CCAR2: variants seen among roughly 807,000 people sequenced by gnomAD.
CCAR2 encodes cell cycle and apoptosis regulator 2.
CCAR2 carries 21 observed loss-of-function variants against 108.1 expected under a neutral mutation model. The observed-to-expected ratio is 0.19, with a 90% CI of 0.14 to 0.28. CCAR2 has a LOEUF of 0.28. Among genes scored for constraint, CCAR2 ranks in the 10% least tolerant of loss-of-function variants. CCAR2 has a pLI of 1.00. For missense variants in CCAR2, 1,126 were observed against 1,177.0 expected, an observed-to-expected ratio of 0.96 and a Z score of 0.63; for synonymous variants, 577 against 472.8, an observed-to-expected ratio of 1.22 and a Z score of -2.86.
At chr8:22,616,594 G>C (rs1563923449) in intron 14 of CCAR2, 2 of 300,284 alleles carry the variant, frequency 6.7e-6, no homozygotes, top group Non-Finnish European at 1.3e-5. Context: ...GAGGTGGGCA[G>C]ATCATGAGGT....
chr8:22,610,286 T>C lies in CCAR2; in HGVS notation c.584+2221T>C, dbSNP rs184567533. Among the ~76,000 whole-genome samples, 440 of 152,326 alleles carry C rather than the reference T, an allele frequency of 2.9e-3. 2 individuals carry two copies. The highest frequency in any genetic ancestry group is 8.3e-3 in the Admixed American group (127 of 15,298). ...TATGAAGGACTCAGCCACATTAATG[T>C]TTTGCATGGAAGCCAAGCTTTATTT... On this transcript the variant is annotated intron_variant, in intron 7 of 20. Coordinates refer to ENST00000308511, the MANE Select transcript of CCAR2 (RefSeq NM_001393997.1).
intron 7 of CCAR2, 187 bp from the exon 8 acceptor site, chr8:22,612,830 T>G: frequency 1.6e-6 from 1 of 635,528 alleles, no homozygotes; most frequent in Non-Finnish European, 2.5e-6. Context: ...AACAGGAATG[T>G]TTATTAAAAC....
intron 3 of CCAR2, 66 bp from the exon 4 acceptor site, chr8:22,606,541 C>G: frequency 7.6e-7 from 1 of 1,314,780 alleles, no homozygotes. Flanking sequence ...ATGAGACCTT[C>G]ATGGCAGAGT....
intron 8 of CCAR2, 66 bp from the exon 9 acceptor site, chr8:22,614,026 T>C: frequency 6.8e-7 from 1 of 1,465,042 alleles, no homozygotes; most frequent in Middle Eastern, 1.8e-4. Flanking sequence ...TTTCAAATCT[T>C]TGATGGTTTC....
Position 22,618,881 on chromosome 8 carries a change from C to A in CCAR2, c.2387C>A (p.Pro796His). ...PGKSTKPGAAPTEHKALVSHN... is the reference protein window; with the variant it reads ...PGKSTKPGAAHTEHKALVSHN... ...AAAAGCACGAAGCCAGGTGCTGCCC[C>A]CACAGAACACAAAGCCTTGGTGTCC... The change falls in exon 19 of 21, where the codon CCC becomes CAC. Residue 796 changes from proline to histidine, a missense_variant. Around this residue, in one of 4 missense-constraint regions of CCAR2, gnomAD observed 1,013 missense variants for 993.9 expected, o/e 1.02. Transcript: ENST00000308511. 3 of 1,614,006 alleles carry A rather than the reference C, an allele frequency of 1.9e-6. No homozygotes were observed. The highest frequency in any genetic ancestry group is 2.5e-6 in the Non-Finnish European group (3 of 1,180,048).
At chr8:22,613,662 A>T (rs773122714) in intron 8 of CCAR2, among the ~76,000 whole-genome samples, 4 of 152,072 alleles carry the variant, frequency 2.6e-5, no homozygotes, top group African/African-American at 9.7e-5. Context: ...CGACTTTTTC[A>T]TCTTTGTCTG....
rs918388829 is a variant in CCAR2 at position 22,620,470 on chromosome 8, A to G, written c.*788A>G. ...TTTAAATAAACCAAAGTCAAAAACA[A>G]ACTGAGAGTGTGTCCTCCACAGCTC... On this transcript the variant is annotated 3_prime_UTR_variant, in exon 21 of 21. Coordinates refer to ENST00000308511, the MANE Select transcript of CCAR2 (RefSeq NM_001393997.1). 5.3e-5 allele frequency: 8 copies of G among 151,252 alleles called. No homozygotes were observed. The highest frequency in any genetic ancestry group is 2.0e-4 in the African/African-American group (8 of 40,904). The allele number at this position is 151,252 out of a possible 1,614,324, so 9.4% of individuals were successfully genotyped here. A position where few individuals can be genotyped will look rare whatever the true frequency, so the allele number is the denominator to read the frequency against.
At chr8:22,606,809 A>C in intron 4 of CCAR2, 101 bp from the exon 5 acceptor site, 1 of 1,481,702 alleles carries the variant, frequency 6.7e-7, no homozygotes, top group Non-Finnish European at 9.4e-7. Flanking sequence ...TTTTTGTGCA[A>C]GGTGTGGGAA....
At chr8:22,606,547 A>G in intron 3 of CCAR2, 60 bp from the exon 4 acceptor site, 1 of 1,351,292 alleles carries the variant, frequency 7.4e-7, no homozygotes. Flanking sequence ...CCTTCATGGC[A>G]GAGTGTGATT....
At chr8:22,621,181 A>C (rs1328983380), downstream of CCAR2, 1 of 534,912 alleles carries the variant, frequency 1.9e-6, no homozygotes, top group Non-Finnish European at 3.3e-6. Flanking sequence ...ACGGTTCTCC[A>C]AATAAAAAAG....
intron 16 of CCAR2, 137 bp downstream of exon 16, chr8:22,617,915 C>T: frequency 3.6e-6 from 3 of 826,518 alleles, no homozygotes; most frequent in Non-Finnish European, 5.8e-6. Flanking sequence ...GTCCTTGGCT[C>T]ATGGAAGGGC....
At chr8:22,611,945 C>T (rs73229827) in intron 7 of CCAR2, among the ~76,000 whole-genome samples, 48 of 88,342 alleles carry the variant, frequency 5.4e-4, no homozygotes, top group Non-Finnish European at 7.7e-4. Flanking sequence ...AACTGTCTCT[C>T]TTTTTTTTTT....
chr8:22,605,135 A>C (rs202161379), intron 1 of CCAR2: 56 of 208,578 alleles, frequency 2.7e-4, no homozygotes, highest in Non-Finnish European at 5.0e-4. Context: ...GCGTGGGAGC[A>C]GGAGGGTGGC....
intron 7 of CCAR2, among the ~76,000 whole-genome samples, chr8:22,609,451 C>A (rs922683127): frequency 6.6e-6 from 1 of 152,146 alleles, no homozygotes; most frequent in African/African-American, 2.4e-5. Context: ...CACGCCCGGC[C>A]CATTGTGAAT....
At position 22,614,864 on chromosome 8, in the gene CCAR2, G is replaced by C. The variant is rs760921904; in HGVS notation, c.1068G>C (p.Glu356Asp). Residue 356 changes from glutamate to aspartate, a missense_variant, in exon 11 of 21, where the codon GAG (glutamate) becomes GAC (aspartate). Glu to Asp is a conservative substitution (Grantham distance 45). Coordinates refer to ENST00000308511, the MANE Select transcript of CCAR2 (RefSeq NM_001393997.1). ...TTTTGCTGGGCAGGAAAGAAGAGGA[G>C]GCAGTGCTGGTTGGGGGTGAATGGT... is the stretch of plus-strand genomic sequence containing the variant. The part of the protein sequence containing the change: ...IKFLLGRKEE[E>D]AVLVGGEWSP... The C allele has an allele frequency of 6.9e-6, 11 of 1,604,844 alleles. No homozygotes were observed. In the East Asian group the frequency reaches 2.5e-4, roughly 36 times the overall value.
Position 22,618,942 on chromosome 8 carries a change from G to A in CCAR2, c.2448G>A (p.Leu816=), listed in dbSNP as rs747694820. The change falls in exon 19 of 21, where the codon CTG becomes CTA. Residue 816 remains leucine, a synonymous_variant. Transcript: ENST00000308511. ...GCCTGATTAACGTGGGGAGCCTGCTGCAGCGCGCGGAGCAGCAGGACAGCG... is the reference window on the plus strand; with the variant it reads ...GCCTGATTAACGTGGGGAGCCTGCTACAGCGCGCGGAGCAGCAGGACAGCG... ...NGSLINVGSL[L]QRAEQQDSGR... 2.2e-5 allele frequency: 36 copies of A among 1,613,610 alleles called. No homozygotes were observed. The highest frequency in any genetic ancestry group is 3.0e-5 in the Non-Finnish European group (35 of 1,180,056).
Position 22,614,077 on chromosome 8 carries a change from G to A in CCAR2, c.705-15G>A. 1 of 1,608,128 alleles carries A rather than the reference G, an allele frequency of 6.2e-7. No homozygotes were observed. Among genetic ancestry groups the A allele is most frequent in the Non-Finnish European group, 8.5e-7 (1 of 1,175,688 alleles). ...GTCTTTGCTCAGTCTGGATTCCCTT[G>A]CTGTCTTCCTGTAGCCCCATCTGTG... On this transcript the variant is annotated splice_polypyrimidine_tract_variant and intron_variant, in intron 8 of 20. Transcript: ENST00000308511.
intron 3 of CCAR2, among the ~76,000 whole-genome samples, 189 bp from the exon 4 acceptor site, chr8:22,606,418 A>C (rs1370298545): frequency 6.6e-6 from 1 of 152,170 alleles, no homozygotes; most frequent in African/African-American, 2.4e-5. Context: ...CTTGTGGGTC[A>C]AGAACCAGCT....
Position 22,607,216 on chromosome 8 carries a change from A to G in CCAR2, c.378A>G (p.Ala126=), listed in dbSNP as rs1435739065. The change falls in exon 6 of 21, where the codon GCA becomes GCG. Residue 126 remains alanine, a synonymous_variant. Transcript: ENST00000308511. ...LSNQPLLKSP[A]PPLLHVAALG... is the part of the protein sequence containing the mutation. ...TGCAGCCCCTACTGAAGTCCCCAGC[A>G]CCTCCTCTTCTGCATGTAGCAGCCC... The G allele has an allele frequency of 6.2e-7, 1 of 1,613,604 alleles. No individual in the cohort carries two copies. The highest frequency in any genetic ancestry group is 8.5e-7 in the Non-Finnish European group (1 of 1,179,946).
Sources: allele counts gnomAD v4.1 joint callset (sites outside exome capture counted in the v4.1 genomes callset), GRCh38; gene constraint gnomAD v4.1.1; regional missense constraint gnomAD v4.1.1; transcripts MANE v1.5; gene names NCBI Gene and HGNC (gene_info 2026-07-23, HGNC 2026-07-21).